The following CYTH3 variants were observed in gnomAD, a reference collection of about 807,000 sequenced individuals.
The protein encoded by CYTH3 is cytohesin-3.
CYTH3 carries 23 observed loss-of-function variants against 55.1 expected under a neutral mutation model. The ratio of observed to expected loss-of-function variants is 0.42; its 90% CI spans 0.30 to 0.59. The LOEUF (loss-of-function observed/expected upper bound fraction) is 0.59, where lower values mean the gene tolerates loss of function less well. Among genes scored for constraint, CYTH3 ranks in the 20% least tolerant of loss-of-function variants. The probability of loss-of-function intolerance (pLI) is 0.20; values close to 1 mark genes in which losing one functional copy is unlikely to be tolerated. For missense variants in CYTH3, 413 were observed against 524.8 expected (o/e 0.79, Z 2.08); for synonymous variants, 249 against 194.9 (o/e 1.28, Z -2.31).
intron 5 of CYTH3, among the ~76,000 whole-genome samples, chr7:6,176,249 A>G (rs1783346001): frequency 1.4e-5 from 2 of 148,066 alleles, no homozygotes; most frequent in Admixed American, 6.7e-5. Flanking sequence ...ATAGAAATAC[A>G]ATTGATTTTT....
chr7:6,266,878 C>T lies in CYTH3; in HGVS notation c.34+5596G>A, dbSNP rs553457644. 1.5e-4 allele frequency among the ~76,000 whole-genome samples: 23 copies of T among 152,286 alleles called. No individual in the cohort carries two copies. In the Middle Eastern group the frequency reaches 0.014, roughly 90 times the overall value. The stretch of plus-strand genomic sequence containing the variant: ...CCATGAACGTGGGAAATTTATCTGC[C>T]GTATTCACCACTGTTAGGCACTGAT... On this transcript the variant is annotated intron_variant, in intron 1 of 12. Coordinates refer to ENST00000350796, the MANE Select transcript of CYTH3 (RefSeq NM_004227.4).
rs770848272 is a variant in CYTH3, at chr7:6,173,645, ATACT to A, written c.449+4_449+7del. The stretch of plus-strand genomic sequence containing the variant: ...TCCACTCTACACCCAGCAAATGATC[ATACT>A]TACCTTAAGGCTTGTACAAGGTTGA... On this transcript the variant is annotated splice_donor_5th_base_variant and intron_variant, in intron 6 of 12. Transcript: ENST00000350796. 4.4e-6 allele frequency: 7 copies of A among 1,595,304 alleles called. No homozygotes were observed. In the South Asian group the frequency reaches 7.7e-5, roughly 18 times the overall value.
At chr7:6,259,791 AT>A (rs1313452785) in intron 1 of CYTH3, among the ~76,000 whole-genome samples, 12 of 15,020 alleles carry the variant, frequency 8.0e-4, no homozygotes, top group Admixed American at 5.3e-3. Context: ...TATAATATAT[AT>A]ATATATATAT....
At chr7:6,268,250 C>T (rs1360231245) in intron 1 of CYTH3, among the ~76,000 whole-genome samples, 1 of 152,210 alleles carries the variant, frequency 6.6e-6, no homozygotes, top group Non-Finnish European at 1.5e-5. Context: ...TCACCGCAAC[C>T]TGCACCTCCC....
intron 1 of CYTH3, among the ~76,000 whole-genome samples, chr7:6,225,228 C>A (rs911931628): frequency 1.3e-5 from 2 of 151,864 alleles, no homozygotes; most frequent in Non-Finnish European, 2.9e-5. Context: ...TCATATTGTC[C>A]AAAGACATGT....
intron 1 of CYTH3, among the ~76,000 whole-genome samples, chr7:6,206,922 GACTACTA>G (rs1167588768): frequency 6.6e-6 from 1 of 151,940 alleles, no homozygotes; most frequent in Non-Finnish European, 1.5e-5. Flanking sequence ...GTTTTAGAGA[GACTACTA>G]ACTACAGAAT....
At chr7:6,236,898 A>T (rs1442171457) in intron 1 of CYTH3, among the ~76,000 whole-genome samples, 8 of 152,204 alleles carry the variant, frequency 5.3e-5, no homozygotes, top group African/African-American at 1.9e-4. Flanking sequence ...CCTGTTACAT[A>T]TGAAGTAGTG....
At chr7:6,218,129 G>A (rs747876452) in intron 1 of CYTH3, among the ~76,000 whole-genome samples, 8 of 151,236 alleles carry the variant, frequency 5.3e-5, no homozygotes, top group Admixed American at 4.6e-4. Flanking sequence ...GCAGTGAGCC[G>A]AGATCACACC....
chr7:6,182,299 C>T (rs1042937703), intron 4 of CYTH3, among the ~76,000 whole-genome samples: 1 of 152,196 alleles, frequency 6.6e-6, no homozygotes, highest in Non-Finnish European at 1.5e-5. Flanking sequence ...ATCCACCCAC[C>T]CCGGCCTCCC....
intron 1 of CYTH3, among the ~76,000 whole-genome samples, chr7:6,207,333 A>G (rs1262804725): frequency 6.6e-6 from 1 of 152,040 alleles, no homozygotes; most frequent in Admixed American, 6.5e-5. Context: ...TGACCTCGTG[A>G]TCCACTTGCC....
chr7:6,178,372 G>T (rs71531363), intron 4 of CYTH3, among the ~76,000 whole-genome samples: 7,684 of 152,310 alleles, frequency 0.05, 300 homozygotes, highest in Non-Finnish European at 0.078. Flanking sequence ...GCTGGTCCCC[G>T]CTCCCTGCCA....
At chr7:6,186,094 A>C (rs1300467616) in intron 4 of CYTH3, among the ~76,000 whole-genome samples, 1 of 151,774 alleles carries the variant, frequency 6.6e-6, no homozygotes, top group Non-Finnish European at 1.5e-5. Flanking sequence ...AATACAAAAA[A>C]TTAGCCGGGC....
chr7:6,265,670 G>A (rs969221320), intron 1 of CYTH3, among the ~76,000 whole-genome samples: 8 of 151,720 alleles, frequency 5.3e-5, no homozygotes, highest in African/African-American at 9.7e-5. Flanking sequence ...AAACTACAGC[G>A]TGTGGGCCAT....
intron 1 of CYTH3, among the ~76,000 whole-genome samples, chr7:6,250,529 C>G (rs557868084): frequency 6.6e-6 from 1 of 152,288 alleles, no homozygotes; most frequent in South Asian, 2.1e-4. Flanking sequence ...AGCTGCAACA[C>G]GGATGAACCT....
Position 6,169,137 on chromosome 7 carries a change from T to C in CYTH3, c.823+1398A>G, listed in dbSNP as rs1267120647. ...GAGCAATGGCCAAGGTCAAAGACCCTAATGGGAATGGCAGACCTGTGGGAC... is the reference window on the plus strand; with the variant it reads ...GAGCAATGGCCAAGGTCAAAGACCCCAATGGGAATGGCAGACCTGTGGGAC... On this transcript the variant is annotated intron_variant, in intron 9 of 12. Coordinates refer to ENST00000350796, the MANE Select transcript of CYTH3 (RefSeq NM_004227.4). This position sits in a 1 kb window ranked among gnomAD's most constrained non-coding sequence, Gnocchi z 4.1. Among the ~76,000 whole-genome samples, 3 of 152,224 alleles carry C rather than the reference T, an allele frequency of 2.0e-5. No homozygotes were observed. Among genetic ancestry groups the C allele is most frequent in the Non-Finnish European group, 4.4e-5 (3 of 68,032 alleles).
intron 4 of CYTH3, among the ~76,000 whole-genome samples, chr7:6,181,936 A>G (rs1313892356): frequency 6.6e-6 from 1 of 152,194 alleles, no homozygotes; most frequent in African/African-American, 2.4e-5. Flanking sequence ...CCATTTTTAT[A>G]TCATGGATAA....
In CYTH3 at chr7:6,266,536, C is replaced by T. The variant is rs543745339; in HGVS notation, c.34+5938G>A. ...CATTCCTTAGCTACTGAAAGCCTGA[C>T]ATGGCCCCAGTCTATCTCTCCCGCT... is the stretch of plus-strand genomic sequence containing the variant. On this transcript the variant is annotated intron_variant, in intron 1 of 12. Coordinates refer to ENST00000350796, the MANE Select transcript of CYTH3 (RefSeq NM_004227.4). 7.2e-5 allele frequency among the ~76,000 whole-genome samples: 11 copies of T among 152,334 alleles called. No homozygotes were observed. The South Asian group carries it at 2.1e-3, about 29-fold the overall frequency.
At chr7:6,209,494 G>C (rs1162370762) in intron 1 of CYTH3, among the ~76,000 whole-genome samples, 5 of 152,108 alleles carry the variant, frequency 3.3e-5, no homozygotes, top group Admixed American at 1.3e-4. Flanking sequence ...GCGGTGCGGG[G>C]GAGCAGCTTC....
rs115260852 is a variant in CYTH3, at chr7:6,166,970, G to A, written c.824-1160C>T. Reference sequence around the variant, plus strand: ...CTGGTCTGGGCAAATCTGCCCCCAAGCTCTCTGCTGCATCTCCCCAGCCCT... The same window carrying A: ...CTGGTCTGGGCAAATCTGCCCCCAAACTCTCTGCTGCATCTCCCCAGCCCT... On this transcript the variant is annotated intron_variant, in intron 9 of 12. Transcript: ENST00000350796. Among the ~76,000 whole-genome samples, 1,113 of 152,214 alleles carry A rather than the reference G, an allele frequency of 7.3e-3. 12 individuals carry two copies. Among genetic ancestry groups the A allele is most frequent in the African/African-American group, 0.025 (1,055 of 41,524 alleles).
Sources: allele counts gnomAD v4.1 joint callset (sites outside exome capture counted in the v4.1 genomes callset), GRCh38; gene constraint gnomAD v4.1.1; non-coding constraint Gnocchi (gnomAD v3.1); transcripts MANE v1.5; gene names NCBI Gene and HGNC (gene_info 2026-07-23, HGNC 2026-07-21).